CLDN16: variants seen among roughly 807,000 people sequenced by gnomAD.
CLDN16 encodes claudin 16.
In CLDN16, 13 loss-of-function variants were observed where a neutral mutation model predicts 24.6. The ratio of observed to expected loss-of-function variants is 0.53; its 90% CI spans 0.34 to 0.84. The LOEUF (loss-of-function observed/expected upper bound fraction) is 0.84. Among genes scored for constraint, CLDN16 ranks in the 40% least tolerant of loss-of-function variants. The probability of loss-of-function intolerance (pLI) is 0.01; values close to 1 mark genes in which losing one functional copy is unlikely to be tolerated. For synonymous variants in CLDN16, 116 were observed against 106.7 expected (o/e 1.09, Z -0.54); for missense variants, 298 against 292.7 (o/e 1.02, Z -0.13).
chr3:190,330,850 C>A (rs74830124), intron 1 of CLDN16, among the ~76,000 whole-genome samples: 3 of 152,176 alleles, frequency 2.0e-5, no homozygotes, highest in Admixed American at 6.5e-5. Context: ...GTCTATGTAA[C>A]TTTTAACCTT....
At chr3:190,401,965 A>AT (rs964517440) in intron 1 of CLDN16, among the ~76,000 whole-genome samples, 2 of 151,242 alleles carry the variant, frequency 1.3e-5, no homozygotes, top group African/African-American at 4.9e-5. Context: ...ATATATATAT[A>AT]TTTTTTGGTG....
intron 1 of CLDN16, among the ~76,000 whole-genome samples, chr3:190,331,196 C>G (rs745457345): frequency 1.3e-5 from 2 of 152,186 alleles, no homozygotes; most frequent in African/African-American, 4.8e-5. Flanking sequence ...AGAGACCATC[C>G]TGGCTGGAAT....
At chr3:190,378,901 G>A (rs1365221167) in intron 3 of CLDN16, among the ~76,000 whole-genome samples, 1 of 151,948 alleles carries the variant, frequency 6.6e-6, no homozygotes, top group East Asian at 1.9e-4. Flanking sequence ...CTATAAAATG[G>A]TGATATGATG....
intron 1 of CLDN16, among the ~76,000 whole-genome samples, chr3:190,392,147 G>GCA (rs1158515707): frequency 6.7e-6 from 1 of 149,106 alleles, no homozygotes; most frequent in Non-Finnish European, 1.5e-5. Flanking sequence ...GTGGTGTCTG[G>GCA]CACTTCTCCA....
At chr3:190,323,586 G>A (rs1184226648) in intron 1 of CLDN16, among the ~76,000 whole-genome samples, 1 of 152,070 alleles carries the variant, frequency 6.6e-6, no homozygotes. Context: ...AAGCTTCTAT[G>A]GTTTTAGTAA....
chr3:190,363,594 ATATT>A (rs1717954068), intron 1 of CLDN16, among the ~76,000 whole-genome samples: 9 of 133,214 alleles, frequency 6.8e-5, no homozygotes, highest in African/African-American at 2.5e-4. Context: ...ATATATATAT[ATATT>A]TTCTTTCTCC....
rs749083950 is a variant in CLDN16 at position 190,388,262 on chromosome 3, C to A, written c.-68C>A. ...GTACCAGAAACACAGAAGACTGACA[C>A]CCGCCACTTAAGTGGGGCCAGGGCT... On this transcript the variant is annotated 5_prime_UTR_variant, in exon 1 of 5. Coordinates refer to ENST00000264734, the MANE Select transcript of CLDN16 (RefSeq NM_006580.4). 77 of 1,609,920 alleles carry A rather than the reference C, an allele frequency of 4.8e-5. No homozygotes were observed. The Admixed American group carries it at 1.3e-3, about 27-fold the overall frequency.
intron 1 of CLDN16, among the ~76,000 whole-genome samples, chr3:190,335,057 C>CTTT (rs1560081025): frequency 1.4e-5 from 2 of 138,242 alleles, no homozygotes; most frequent in Admixed American, 7.1e-5. Context: ...TGTTTGTTTG[C>CTTT]TTTTGAGATG....
intron 1 of CLDN16, among the ~76,000 whole-genome samples, chr3:190,356,638 C>T (rs1250223576): frequency 6.6e-6 from 1 of 151,756 alleles, no homozygotes; most frequent in Non-Finnish European, 1.5e-5. Flanking sequence ...CATTTAAAAG[C>T]AGTAGGGATA....
intron 1 of CLDN16, among the ~76,000 whole-genome samples, chr3:190,394,265 C>T (rs369278287): frequency 6.6e-6 from 1 of 152,082 alleles, no homozygotes; most frequent in East Asian, 1.9e-4. Flanking sequence ...ACTGATCTCT[C>T]AATTATAAAA....
At chr3:190,361,825 G>C (rs1332093391) in intron 1 of CLDN16, among the ~76,000 whole-genome samples, 1 of 151,856 alleles carries the variant, frequency 6.6e-6, no homozygotes, top group Non-Finnish European at 1.5e-5. Flanking sequence ...CAACAGAAAA[G>C]GGCTAGCTGG....
chr3:190,386,234 G>A (rs17444838), upstream of CLDN16, among the ~76,000 whole-genome samples: 28,531 of 152,098 alleles, frequency 0.19, 3,109 homozygotes, highest in Middle Eastern at 0.3. Context: ...TTTGTATTCC[G>A]TGGGCAATGA....
intron 1 of CLDN16, among the ~76,000 whole-genome samples, chr3:190,350,759 T>C (rs1346213943): frequency 1.3e-5 from 2 of 152,124 alleles, no homozygotes; most frequent in African/African-American, 4.8e-5. Context: ...AATGACTGAG[T>C]ATAGAGGAAA....
the CLDN16 span, among the ~76,000 whole-genome samples, chr3:190,302,174 T>C: frequency 1.3e-5 from 2 of 152,222 alleles, no homozygotes; most frequent in African/African-American, 4.8e-5. Context: ...ATTTGTTTCA[T>C]CTCTTTTAAA....
chr3:190,342,906 A>C (rs111346519), intron 1 of CLDN16, among the ~76,000 whole-genome samples: 1 of 152,198 alleles, frequency 6.6e-6, no homozygotes, highest in African/African-American at 2.4e-5. Flanking sequence ...CTTGGCAATG[A>C]TTTCTTGAAT....
chr3:190,350,780 A>G (rs80291931), intron 1 of CLDN16, among the ~76,000 whole-genome samples: 1,715 of 152,232 alleles, frequency 0.011, 7 homozygotes, highest in Non-Finnish European at 0.017. Flanking sequence ...TACTAGGCTG[A>G]CCTGTTCCTG....
intron 1 of CLDN16, among the ~76,000 whole-genome samples, chr3:190,344,135 T>TATATAAAAAAA (rs1302452383): frequency 1.3e-5 from 2 of 151,994 alleles, no homozygotes; most frequent in African/African-American, 4.8e-5. Flanking sequence ...ATATAAAAAA[T>TATATAAAAAAA]AATTTTGAAA....
chr3:190,341,758 G>A (rs190289824), intron 1 of CLDN16, among the ~76,000 whole-genome samples: 2 of 152,216 alleles, frequency 1.3e-5, no homozygotes, highest in East Asian at 3.9e-4. Context: ...TCTGAACTTT[G>A]ATGCTCTGTT....
intron 1 of CLDN16, among the ~76,000 whole-genome samples, chr3:190,331,170 C>A (rs552058716): frequency 2.0e-5 from 3 of 152,278 alleles, no homozygotes; most frequent in Non-Finnish European, 4.4e-5. Flanking sequence ...CTGATTATGC[C>A]TGCCCTTAGT....
Sources: allele counts gnomAD v4.1 joint callset (sites outside exome capture counted in the v4.1 genomes callset), GRCh38; gene constraint gnomAD v4.1.1; transcripts MANE v1.5; gene names NCBI Gene and HGNC (gene_info 2026-07-23, HGNC 2026-07-21).